The following SLC16A7 variants were observed in gnomAD, a reference collection of about 807,000 sequenced individuals.
The protein encoded by SLC16A7 is solute carrier family 16 member 7.
SLC16A7 carries 33 observed loss-of-function variants against 34.9 expected under a neutral mutation model. The observed-to-expected ratio is 0.94, with a 90% CI of 0.72 to 1.26. The LOEUF (loss-of-function observed/expected upper bound fraction) is 1.26, where lower values mean the gene tolerates loss of function less well. SLC16A7 is among the 50% of genes most tolerant of loss of function. SLC16A7 has a pLI of 0.00. For missense variants in SLC16A7, 573 were observed against 578.1 expected, an observed-to-expected ratio of 0.99 and a Z score of 0.09; for synonymous variants, 201 against 206.6, an observed-to-expected ratio of 0.97 and a Z score of 0.23.
intron 3 of SLC16A7, among the ~76,000 whole-genome samples, chr12:59,754,038 A>G (rs1192960481): frequency 6.6e-6 from 1 of 152,192 alleles, no homozygotes; most frequent in Middle Eastern, 3.2e-3. Flanking sequence ...GGCAGAAATA[A>G]AGATGTCCTT....
chr12:59,677,957 T>C (rs1026135260), intron 2 of SLC16A7, among the ~76,000 whole-genome samples: 6 of 152,204 alleles, frequency 3.9e-5, no homozygotes, highest in African/African-American at 1.4e-4. Flanking sequence ...CCTGGTGGAC[T>C]CGTTCCACCC....
chr12:59,774,984 G>A lies in SLC16A7; in HGVS notation c.689G>A (p.Trp230Ter). The A allele has an allele frequency of 6.2e-7, 1 of 1,613,650 alleles. No homozygotes were observed. Among genetic ancestry groups the A allele is most frequent in the Non-Finnish European group, 8.5e-7 (1 of 1,179,802 alleles). The change falls in exon 5 of 6, where the codon TGG becomes TAG. Residue 230 changes from tryptophan to a stop codon, truncating the protein, a stop_gained. Coordinates refer to ENST00000547379, the MANE Select transcript of SLC16A7 (RefSeq NM_001270623.2). LOFTEE classifies it high-confidence loss of function. ...PKKIKTKKST[W>*]EKVNKYLDFS... ...AAAATCAAAACGAAGAAATCAACTTGGGAAAAAGTTAATAAGTATTTAGAT... is the reference window on the plus strand; with the variant it reads ...AAAATCAAAACGAAGAAATCAACTTAGGAAAAAGTTAATAAGTATTTAGAT...
At chr12:59,614,929 G>A (rs1879376626) in intron 1 of SLC16A7, among the ~76,000 whole-genome samples, 2 of 151,202 alleles carry the variant, frequency 1.3e-5, no homozygotes, top group Admixed American at 1.3e-4. Flanking sequence ...CTTGAGCCCG[G>A]GAGGTGGAGT....
At chr12:59,654,930 C>G (rs546380856) in intron 1 of SLC16A7, among the ~76,000 whole-genome samples, 1 of 151,744 alleles carries the variant, frequency 6.6e-6, no homozygotes, top group African/African-American at 2.4e-5. Context: ...TAACATGGGG[C>G]TAGTGGTGAT....
chr12:59,613,013 A>T (rs1879271283), intron 1 of SLC16A7, among the ~76,000 whole-genome samples: 2 of 152,324 alleles, frequency 1.3e-5, no homozygotes, highest in East Asian at 3.9e-4. Flanking sequence ...GGATCTTTAC[A>T]GCAGCACCCC....
rs1026399090 is a variant in SLC16A7, at chr12:59,783,961, G to A, written c.*4282G>A. On this transcript the variant is annotated 3_prime_UTR_variant, in exon 6 of 6. Transcript: ENST00000547379. Reference sequence around the variant, plus strand: ...CCCAAAGTGCTGGGATTACAGGCGTGAGCCACTGCGCCCAGCCTTGAATAT... The same window carrying A: ...CCCAAAGTGCTGGGATTACAGGCGTAAGCCACTGCGCCCAGCCTTGAATAT... The A allele has an allele frequency of 1.3e-5, 2 of 152,178 alleles. No individual in the cohort carries two copies. Among genetic ancestry groups the A allele is most frequent in the Non-Finnish European group, 2.9e-5 (2 of 68,078 alleles). 9.4% of individuals were successfully genotyped at this position (152,178 alleles called of 1,614,324 possible). A position where few individuals can be genotyped will look rare whatever the true frequency, so the allele number is the denominator to read the frequency against.
At chr12:59,602,781 G>A (rs758884139) in intron 1 of SLC16A7, among the ~76,000 whole-genome samples, 2 of 152,080 alleles carry the variant, frequency 1.3e-5, no homozygotes, top group Non-Finnish European at 1.5e-5. Flanking sequence ...CACTGAGCCT[G>A]GCCAGACTTT....
In SLC16A7 at chr12:59,786,945, A is replaced by G. The variant is rs1190009701; in HGVS notation, c.*7266A>G. 1.3e-5 allele frequency: 2 copies of G among 152,138 alleles called. No individual in the cohort carries two copies. The highest frequency in any genetic ancestry group is 2.9e-5 in the Non-Finnish European group (2 of 68,004). The allele number at this position is 152,138 out of a possible 1,614,324, so 9.4% of individuals were successfully genotyped here. ...TATTTTTCCAATCATGGTTTGCAAA[A>G]TCATGTTTGCAAACTTACTTTGAAG... On this transcript the variant is annotated 3_prime_UTR_variant, in exon 6 of 6. Coordinates refer to ENST00000547379, the MANE Select transcript of SLC16A7 (RefSeq NM_001270623.2).
chr12:59,702,145 A>G (rs1017212237), intron 2 of SLC16A7, among the ~76,000 whole-genome samples: 2 of 151,932 alleles, frequency 1.3e-5, no homozygotes, highest in Non-Finnish European at 2.9e-5. Flanking sequence ...TTAGTAATAT[A>G]TAGATTCAGA....
At chr12:59,649,665 T>A (rs1312903240) in intron 1 of SLC16A7, among the ~76,000 whole-genome samples, 1 of 152,152 alleles carries the variant, frequency 6.6e-6, no homozygotes, top group Non-Finnish European at 1.5e-5. Context: ...TTAAAAGTTC[T>A]AGGCCAGACA....
chr12:59,615,445 C>T (rs1879404763), intron 1 of SLC16A7, among the ~76,000 whole-genome samples: 1 of 152,004 alleles, frequency 6.6e-6, no homozygotes, highest in African/African-American at 2.4e-5. Context: ...ACTTGCTCTT[C>T]ATTTGACATT....
chr12:59,707,640 TGATA>T (rs1873743045), intron 3 of SLC16A7, among the ~76,000 whole-genome samples: 2 of 152,064 alleles, frequency 1.3e-5, no homozygotes, highest in South Asian at 4.1e-4. Flanking sequence ...ATTTTTAGGG[TGATA>T]GATGAATAAA....
intron 2 of SLC16A7, among the ~76,000 whole-genome samples, chr12:59,691,954 TACTAG>T (rs1871711126): frequency 6.6e-6 from 1 of 152,010 alleles, no homozygotes; most frequent in African/African-American, 2.4e-5. Flanking sequence ...ACTACTACTA[TACTAG>T]TTTCCTGGGG....
At chr12:59,764,721 C>G (rs1286374171) in intron 3 of SLC16A7, among the ~76,000 whole-genome samples, 1 of 152,092 alleles carries the variant, frequency 6.6e-6, no homozygotes, top group Non-Finnish European at 1.5e-5. Flanking sequence ...TTTTCTTAAT[C>G]CAGTCTATCA....
At chr12:59,686,067 T>TCAAG (rs2137082904) in intron 2 of SLC16A7, among the ~76,000 whole-genome samples, 1 of 151,092 alleles carries the variant, frequency 6.6e-6, no homozygotes, top group Non-Finnish European at 1.5e-5. Flanking sequence ...TGTAATTTCT[T>TCAAG]CAAGTGATTC....
chr12:59,686,880 G>A (rs1277303355), intron 2 of SLC16A7, among the ~76,000 whole-genome samples: 1 of 151,920 alleles, frequency 6.6e-6, no homozygotes, highest in Non-Finnish European at 1.5e-5. Flanking sequence ...ACATCATGGT[G>A]ACTGCAGTTA....
At chr12:59,762,130 T>C (rs558888054) in intron 3 of SLC16A7, among the ~76,000 whole-genome samples, 16 of 152,224 alleles carry the variant, frequency 1.1e-4, no homozygotes, top group African/African-American at 3.8e-4. Context: ...GTCTTTGTCA[T>C]TCTACTGTGT....
intron 1 of SLC16A7, among the ~76,000 whole-genome samples, chr12:59,597,484 G>T (rs1052982586): frequency 4.6e-5 from 7 of 152,070 alleles, no homozygotes; most frequent in African/African-American, 1.4e-4. Context: ...CATGCTTCAT[G>T]GCTAACCCCA....
chr12:59,625,455 A>G (rs1879885042), intron 1 of SLC16A7, among the ~76,000 whole-genome samples: 1 of 151,844 alleles, frequency 6.6e-6, no homozygotes, highest in Non-Finnish European at 1.5e-5. Context: ...CTCAAGCTCT[A>G]TAGCCAGACT....
Sources: gnomAD v4.1 joint callset for allele counts (sites outside exome capture counted in the v4.1 genomes callset) on GRCh38, gnomAD v4.1.1 for gene constraint, MANE v1.5 for transcripts, NCBI Gene and HGNC (gene_info 2026-07-23, HGNC 2026-07-21) for gene names.